Variants in NETO2 observed in about 807,000 individuals in gnomAD.
The protein encoded by NETO2 is neuropilin and tolloid like 2.
In NETO2, 28 loss-of-function variants were observed where a neutral mutation model predicts 62.5. That is an observed-to-expected ratio of 0.45 (90% CI 0.33 to 0.61). NETO2 has a LOEUF of 0.61. Among genes scored for constraint, NETO2 ranks in the 20% least tolerant of loss-of-function variants. The pLI, the probability that NETO2 is intolerant of heterozygous loss-of-function variation, is 0.02. For missense variants in NETO2, 548 were observed against 643.2 expected (o/e 0.85, Z 1.60); for synonymous variants, 214 against 219.1 (o/e 0.98, Z 0.21).
chr16:47,122,112 A>G (rs1964051221), intron 6 of NETO2, among the ~76,000 whole-genome samples: 1 of 152,234 alleles, frequency 6.6e-6, no homozygotes, highest in African/African-American at 2.4e-5. Context: ...AGTATACATT[A>G]AATGCAAAAG....
At position 47,128,564 on chromosome 16, in the gene NETO2, C is replaced by G. The variant is rs147090370; in HGVS notation, c.242G>C (p.Arg81Pro). The G allele has an allele frequency of 2.5e-6, 4 of 1,610,808 alleles. No individual in the cohort carries two copies. The highest frequency in any genetic ancestry group is 2.2e-5 in the South Asian group (2 of 90,922). Residue 81 changes from arginine to proline, a missense_variant, in exon 4 of 9, where the codon CGT (arginine) becomes CCT (proline). Coordinates refer to ENST00000562435, the MANE Select transcript of NETO2 (RefSeq NM_018092.5). ...ATCAAAGGTCAACTCTATTCTTTGA[C>G]GTGGAGCAGCTAGAAAATAAGAGTA... is the stretch of plus-strand genomic sequence containing the variant. ...ECIYILEAAP[R>P]QRIELTFDEH...
intron 4 of NETO2, among the ~76,000 whole-genome samples, chr16:47,124,551 G>T (rs989931226): frequency 6.6e-6 from 1 of 152,072 alleles, no homozygotes; most frequent in African/African-American, 2.4e-5. Context: ...GACATATTTA[G>T]CTAATTATGC....
Position 47,083,700 on chromosome 16 carries a change from A to G in NETO2, c.1099T>C (p.Leu367=). The G allele has an allele frequency of 6.2e-7, 1 of 1,614,214 alleles. No homozygotes were observed. Among genetic ancestry groups the G allele is most frequent in the Non-Finnish European group, 8.5e-7 (1 of 1,180,042 alleles). ...TTTCGAGGCTGTTTCACTTGTACTA[A>G]AATAGAAATAATGAGAAGGACCAAG... is the stretch of plus-strand genomic sequence containing the variant. The part of the protein sequence containing the change: ...IVLVLLIISI[L]VQVKQPRKKV... Residue 367 remains leucine (L), a synonymous_variant, in exon 9 of 9, where the codon TTA becomes CTA. Coordinates refer to ENST00000562435, the MANE Select transcript of NETO2 (RefSeq NM_018092.5).
At chr16:47,128,622 A>C in intron 3 of NETO2, 49 bp from the exon 4 acceptor site, 2 of 1,575,892 alleles carry the variant, frequency 1.3e-6, no homozygotes, top group Non-Finnish European at 1.7e-6. Context: ...AAGAAAGAAT[A>C]TAAATGTATT....
chr16:47,107,656 TAAG>T (rs1466302784), intron 7 of NETO2, among the ~76,000 whole-genome samples: 1 of 152,182 alleles, frequency 6.6e-6, no homozygotes, highest in Admixed American at 6.5e-5. Flanking sequence ...TGCCGTAAAG[TAAG>T]AAAATAATTT....
chr16:47,118,055 T>C (rs1236774507), intron 6 of NETO2, among the ~76,000 whole-genome samples: 1 of 152,230 alleles, frequency 6.6e-6, no homozygotes, highest in Admixed American at 6.5e-5. Context: ...TGATTTTTCA[T>C]TGTATCTTGG....
chr16:47,096,985 T>C (rs1224068307), intron 7 of NETO2, among the ~76,000 whole-genome samples: 2 of 152,100 alleles, frequency 1.3e-5, no homozygotes, highest in Non-Finnish European at 2.9e-5. Context: ...AACGGCGCAT[T>C]CTGGCCCAGA....
At chr16:47,131,012 T>C (rs540641290) in intron 2 of NETO2, among the ~76,000 whole-genome samples, 16 of 137,644 alleles carry the variant, frequency 1.2e-4, no homozygotes, top group Admixed American at 2.9e-4. Context: ...AGTAAAATAA[T>C]AGAATTCCTG....
intron 1 of NETO2, 91 bp from the exon 2 acceptor site, chr16:47,132,116 TTAAC>T (rs1043897432): frequency 3.1e-6 from 3 of 971,178 alleles, no homozygotes; most frequent in African/African-American, 3.3e-5. Context: ...CAAAAAAAGA[TTAAC>T]TAAAATCACT....
At chr16:47,132,829 G>T (rs1045694026) in intron 1 of NETO2, among the ~76,000 whole-genome samples, 1 of 152,138 alleles carries the variant, frequency 6.6e-6, no homozygotes, top group Non-Finnish European at 1.5e-5. Flanking sequence ...GAGAGAAATC[G>T]AGCAAAATGG....
rs774807149 is a variant in NETO2 at position 47,122,680 on chromosome 16, T to C, written c.631A>G (p.Ile211Val). ...PGQAVDCIWTIKATPKAKIYL... is the reference protein window; with the variant it reads ...PGQAVDCIWTVKATPKAKIYL... ...ACCTTAGCTTTTGGAGTGGCTTTAA[T>C]GGTCCAGATGCAATCAACGGCTTGG... is the stretch of plus-strand genomic sequence containing the variant. Residue 211 changes from isoleucine to valine, a missense_variant, in exon 6 of 9, where the codon ATT (isoleucine) becomes GTT (valine). Physicochemically the swap from Ile to Val is conservative, Grantham distance 29. Coordinates refer to ENST00000562435, the MANE Select transcript of NETO2 (RefSeq NM_018092.5). 2.4e-5 allele frequency: 38 copies of C among 1,614,026 alleles called. No homozygotes were observed. The highest frequency in any genetic ancestry group is 1.5e-4 in the Admixed American group (9 of 59,998).
chr16:47,132,084 G>T, intron 1 of NETO2, 59 bp from the exon 2 acceptor site: 1 of 1,251,234 alleles, frequency 8.0e-7, no homozygotes, highest in Non-Finnish European at 1.1e-6. Flanking sequence ...ATTTTACTAA[G>T]TCAATAAATA....
Position 47,128,425 on chromosome 16 carries a change from A to T in NETO2, c.381T>A (p.Pro127=), listed in dbSNP as rs1389260201. ...ATCTCCCTGTTGATCTAATTAATGG[A>T]GGGCTTTTCACGCCACAGTAACGAT... The part of the protein sequence containing the change: ...LIDRYCGVKS[P]PLIRSTGRFM... The change falls in exon 4 of 9, where the codon CCT becomes CCA. Residue 127 remains proline (P), a synonymous_variant. Coordinates refer to ENST00000562435, the MANE Select transcript of NETO2 (RefSeq NM_018092.5). The T allele has an allele frequency of 1.2e-6, 2 of 1,614,124 alleles. No individual in the cohort carries two copies. The highest frequency in any genetic ancestry group is 1.1e-5 in the South Asian group (1 of 91,086).
intron 6 of NETO2, among the ~76,000 whole-genome samples, chr16:47,119,888 T>G (rs1964002961): frequency 6.6e-6 from 1 of 152,236 alleles, no homozygotes; most frequent in South Asian, 2.1e-4. Flanking sequence ...TCAGACTTCC[T>G]TTGTTAGCTG....
chr16:47,109,396 A>G (rs969220137), intron 7 of NETO2, 87 bp downstream of exon 7: 1 of 747,300 alleles, frequency 1.3e-6, no homozygotes, highest in Non-Finnish European at 2.0e-6. Context: ...CCTAAAATAA[A>G]TATTTTAAAA....
chr16:47,100,356 G>A (rs1241530784), intron 7 of NETO2, among the ~76,000 whole-genome samples: 1 of 152,056 alleles, frequency 6.6e-6, no homozygotes, highest in Admixed American at 6.5e-5. Context: ...GGAGAAGGTG[G>A]GAAAGATCTA....
intron 4 of NETO2, among the ~76,000 whole-genome samples, chr16:47,123,467 T>C (rs1964085299): frequency 6.6e-6 from 1 of 152,046 alleles, no homozygotes; most frequent in African/African-American, 2.4e-5. Flanking sequence ...GACAGCACTA[T>C]TGCCCTTCAG....
chr16:47,134,073 A>T (rs1447366794), intron 1 of NETO2, among the ~76,000 whole-genome samples: 1 of 152,150 alleles, frequency 6.6e-6, no homozygotes, highest in Non-Finnish European at 1.5e-5. Flanking sequence ...AACTTACAGG[A>T]CGTGAGGGGT....
At chr16:47,093,426 C>G (rs534745676) in intron 7 of NETO2, among the ~76,000 whole-genome samples, 1 of 152,172 alleles carries the variant, frequency 6.6e-6, no homozygotes, top group Admixed American at 6.5e-5. Flanking sequence ...ACAGGAGAAC[C>G]CTTTATGTCT....
Sources: allele counts gnomAD v4.1 joint callset (sites outside exome capture counted in the v4.1 genomes callset), GRCh38; gene constraint gnomAD v4.1.1; transcripts MANE v1.5; gene names NCBI Gene and HGNC (gene_info 2026-07-23, HGNC 2026-07-21).